P2RY14: variants seen among roughly 807,000 people sequenced by gnomAD.
P2RY14 encodes the protein P2Y purinoceptor 14.
P2RY14 carries 2 observed loss-of-function variants against 0.9 expected under a neutral mutation model. That is an observed-to-expected ratio of 2.16 (90% CI 0.88 to 6.79). The LOEUF is 6.79. Ranked by LOEUF, P2RY14 falls within the 30% of genes most tolerant of loss-of-function variation. The pLI, the probability that P2RY14 is intolerant of heterozygous loss-of-function variation, is 0.05. For missense variants in P2RY14, 378 were observed against 400.1 expected, an observed-to-expected ratio of 0.94 and a Z score of 0.47; for synonymous variants, 158 against 147.2, an observed-to-expected ratio of 1.07 and a Z score of -0.53.
chr3:151,229,114 A>T (rs1276738166), intron 1 of P2RY14, among the ~76,000 whole-genome samples: 1 of 152,202 alleles, frequency 6.6e-6, no homozygotes, highest in African/African-American at 2.4e-5. Flanking sequence ...AGGCTTATAT[A>T]GCCAAAGGAA....
intron 1 of P2RY14, among the ~76,000 whole-genome samples, chr3:151,226,365 G>A (rs530002737): frequency 2.0e-5 from 3 of 152,324 alleles, no homozygotes; most frequent in African/African-American, 7.2e-5. Flanking sequence ...GTAACATGAT[G>A]GAATCTTGCC....
intron 1 of P2RY14, among the ~76,000 whole-genome samples, chr3:151,234,792 A>G (rs998157128): frequency 2.0e-5 from 3 of 152,194 alleles, no homozygotes; most frequent in African/African-American, 4.8e-5. Context: ...TGATGCCCAT[A>G]TAATGTGGAC....
chr3:151,256,780 T>G (rs901027400), intron 1 of P2RY14, among the ~76,000 whole-genome samples: 3 of 151,476 alleles, frequency 2.0e-5, no homozygotes, highest in African/African-American at 7.3e-5. Context: ...TGTTAATACT[T>G]TGTTAGTTCA....
chr3:151,275,939 A>G (rs958933753), intron 1 of P2RY14, among the ~76,000 whole-genome samples: 17 of 152,114 alleles, frequency 1.1e-4, no homozygotes, highest in Admixed American at 2.0e-4. Context: ...GTAGCACCAG[A>G]CTTGAAGCTA....
intron 1 of P2RY14, among the ~76,000 whole-genome samples, chr3:151,229,408 G>T (rs1577042162): frequency 6.7e-6 from 1 of 148,770 alleles, no homozygotes; most frequent in East Asian, 2.0e-4. Context: ...CCGGGTTCAA[G>T]CGATTCTCCT....
At position 151,213,986 on chromosome 3, in the gene P2RY14, A is replaced by G. The variant is rs750753404; in HGVS notation, c.331T>C (p.Phe111Leu). ...FYVNMYVSIV[F>L]FGLISFDRYY... is the part of the protein sequence containing the mutation. ...CTGTCAAAGCTGATGAGCCCAAAGA[A>G]CACAATGCTGACGTACATGTTGACG... The change falls in exon 3 of 3, where the codon TTC (phenylalanine) becomes CTC (leucine). Residue 111 changes from phenylalanine to leucine, a missense_variant. Physicochemically the swap from Phe to Leu is conservative, Grantham distance 22. Coordinates refer to ENST00000309170, the MANE Select transcript of P2RY14 (RefSeq NM_014879.4). The G allele has an allele frequency of 1.2e-6, 2 of 1,614,130 alleles. No homozygotes were observed. The highest frequency in any genetic ancestry group is 1.1e-5 in the South Asian group (1 of 91,072).
At chr3:151,240,285 G>A (rs1014070239) in intron 1 of P2RY14, among the ~76,000 whole-genome samples, 3 of 152,158 alleles carry the variant, frequency 2.0e-5, no homozygotes, top group Admixed American at 1.3e-4. Context: ...ATTGGGAGAG[G>A]TACTCCTTAC....
chr3:151,239,757 G>C (rs1733698058), intron 1 of P2RY14, among the ~76,000 whole-genome samples: 1 of 152,138 alleles, frequency 6.6e-6, no homozygotes, highest in African/African-American at 2.4e-5. Context: ...TTTCTGATAA[G>C]AGATTTTGTT....
intron 1 of P2RY14, among the ~76,000 whole-genome samples, chr3:151,222,972 T>C (rs1347292452): frequency 6.6e-6 from 1 of 152,212 alleles, no homozygotes; most frequent in Non-Finnish European, 1.5e-5. Context: ...ATTGGTATTT[T>C]ATACCTATTT....
intron 1 of P2RY14, among the ~76,000 whole-genome samples, chr3:151,233,901 TC>T (rs1158696531): frequency 6.6e-6 from 1 of 152,238 alleles, no homozygotes; most frequent in African/African-American, 2.4e-5. Flanking sequence ...ATGATTTTAG[TC>T]CATGTGTACA....
intron 1 of P2RY14, among the ~76,000 whole-genome samples, chr3:151,265,046 T>C (rs898410284): frequency 3.9e-5 from 6 of 152,196 alleles, no homozygotes; most frequent in Non-Finnish European, 7.3e-5. Context: ...TTTCTTCCTC[T>C]CACCCTATTT....
intron 1 of P2RY14, among the ~76,000 whole-genome samples, chr3:151,222,864 T>C (rs186648704): frequency 6.6e-6 from 1 of 152,324 alleles, no homozygotes; most frequent in East Asian, 1.9e-4. Context: ...CAAGAAAAAT[T>C]ATATTCCAAG....
intron 1 of P2RY14, among the ~76,000 whole-genome samples, chr3:151,248,363 G>A (rs1409228397): frequency 6.6e-6 from 1 of 152,044 alleles, no homozygotes; most frequent in Non-Finnish European, 1.5e-5. Context: ...CAGCTGCCTT[G>A]CATGAAGTAT....
intron 1 of P2RY14, among the ~76,000 whole-genome samples, chr3:151,233,255 C>T (rs559239442): frequency 6.6e-6 from 1 of 152,350 alleles, no homozygotes; most frequent in South Asian, 2.1e-4. Context: ...TCACCTTGAG[C>T]TACGCTGTCT....
At chr3:151,229,201 A>G (rs1360046693) in intron 1 of P2RY14, among the ~76,000 whole-genome samples, 1 of 152,168 alleles carries the variant, frequency 6.6e-6, no homozygotes, top group Non-Finnish European at 1.5e-5. Context: ...TCTCTAACCC[A>G]AAGTGTTGTA....
intron 1 of P2RY14, among the ~76,000 whole-genome samples, chr3:151,224,550 T>C (rs1559900469): frequency 1.3e-5 from 2 of 152,218 alleles, no homozygotes; most frequent in South Asian, 2.1e-4. Context: ...ACTAAAATAA[T>C]TTACAAATAA....
chr3:151,227,385 A>T (rs762215159), intron 1 of P2RY14, among the ~76,000 whole-genome samples: 7 of 152,212 alleles, frequency 4.6e-5, no homozygotes, highest in African/African-American at 7.2e-5. Flanking sequence ...TGCTACAAAC[A>T]GATCCAACTC....
At position 151,214,238 on chromosome 3, in the gene P2RY14, C is replaced by A; in HGVS notation, c.79G>T (p.Val27Leu). Residue 27 changes from valine to leucine, a missense_variant, in exon 3 of 3, where the codon GTG becomes TTG. Coordinates refer to ENST00000309170, the MANE Select transcript of P2RY14 (RefSeq NM_014879.4). ...GCAATGAAGACCATACAGTACAGCA[C>A]AGGAATGATCTGCTGAGTGATCAGG... ...NLLITQQIIP[V>L]LYCMVFIAGI... The A allele has an allele frequency of 1.2e-6, 2 of 1,613,930 alleles. No individual in the cohort carries two copies. Among genetic ancestry groups the A allele is most frequent in the Non-Finnish European group, 1.7e-6 (2 of 1,179,866 alleles).
Position 151,214,154 on chromosome 3 carries a change from T to C in P2RY14, c.163A>G (p.Ser55Gly), listed in dbSNP as rs771257232. Residue 55 changes from serine to glycine, a missense_variant, in exon 3 of 3, where the codon AGT (serine) becomes GGT (glycine). Coordinates refer to ENST00000309170, the MANE Select transcript of P2RY14 (RefSeq NM_014879.4). ...ATGTTCTTGAGATAGATGATGAAAC[T>C]CTTAGAGCTGGGCACGTAAAAGAAT... ...WIFFYVPSSK[S>G]FIIYLKNIVI... is the part of the protein sequence containing the mutation. 14 of 1,613,966 alleles carry C rather than the reference T, an allele frequency of 8.7e-6. No homozygotes were observed. The highest frequency in any genetic ancestry group is 1.1e-5 in the Non-Finnish European group (13 of 1,179,988).
Sources: allele counts gnomAD v4.1 joint callset (sites outside exome capture counted in the v4.1 genomes callset), GRCh38; gene constraint gnomAD v4.1.1; transcripts MANE v1.5; gene names NCBI Gene and HGNC (gene_info 2026-07-23, HGNC 2026-07-21).